Variants in FRMD4A observed in about 807,000 individuals in gnomAD.
The protein encoded by FRMD4A is FERM domain-containing protein 4A.
Under a neutral mutation model 129.1 loss-of-function variants are expected in FRMD4A, and 29 were observed. The observed-to-expected ratio is 0.22, with a 90% CI of 0.17 to 0.31. The LOEUF (loss-of-function observed/expected upper bound fraction) is 0.31. Among genes scored for constraint, FRMD4A ranks in the 10% least tolerant of loss-of-function variants. The pLI is 1.00. For synonymous variants in FRMD4A, 634 were observed against 571.6 expected (o/e 1.11, Z -1.56); for missense variants, 1,272 against 1,375.8 (o/e 0.92, Z 1.19).
chr10:13,921,925 C>G (rs979163203), intron 2 of FRMD4A, among the ~76,000 whole-genome samples: 1 of 152,334 alleles, frequency 6.6e-6, no homozygotes, highest in East Asian at 1.9e-4. Flanking sequence ...ATGTTGAAGT[C>G]CTAACCTCCA....
intron 2 of FRMD4A, among the ~76,000 whole-genome samples, chr10:14,032,525 G>A (rs144467990): frequency 0.011 from 1,682 of 152,268 alleles, 11 homozygotes; most frequent in Middle Eastern, 0.027. Flanking sequence ...GTCTGTAAAC[G>A]GTGAACCGCA....
At chr10:14,231,008 C>T (rs1213230635) in intron 2 of FRMD4A, among the ~76,000 whole-genome samples, 1 of 152,014 alleles carries the variant, frequency 6.6e-6, no homozygotes, top group Non-Finnish European at 1.5e-5. Flanking sequence ...TGTATATGTA[C>T]CATGTTTCTT....
chr10:13,685,055 C>T, intron 15 of FRMD4A: 1 of 984,960 alleles, frequency 1.0e-6, no homozygotes, highest in Non-Finnish European at 1.2e-6. Context: ...AAAAGATGTC[C>T]CAGGAGACCA....
chr10:13,652,385 A>C (rs1198239335), intron 23 of FRMD4A: 1 of 202,594 alleles, frequency 4.9e-6, no homozygotes, highest in African/African-American at 2.3e-5. Context: ...CAAATAATAC[A>C]ATCAATCATA....
At chr10:14,009,942 G>C (rs930139128) in intron 2 of FRMD4A, among the ~76,000 whole-genome samples, 1 of 152,082 alleles carries the variant, frequency 6.6e-6, no homozygotes, top group Non-Finnish European at 1.5e-5. Flanking sequence ...ATTGGCGGGG[G>C]GTGGGAAAAA....
At chr10:13,665,153 T>A (rs1458006516) in intron 18 of FRMD4A, among the ~76,000 whole-genome samples, 1 of 152,178 alleles carries the variant, frequency 6.6e-6, no homozygotes, top group Non-Finnish European at 1.5e-5. Flanking sequence ...ATTACAGGTG[T>A]GAGCCACCTC....
chr10:14,148,391 C>G (rs1589077659), intron 2 of FRMD4A, among the ~76,000 whole-genome samples: 1 of 152,202 alleles, frequency 6.6e-6, no homozygotes, highest in South Asian at 2.1e-4. Context: ...CTTGCCTTTG[C>G]AAACAGTGAA....
chr10:13,674,489 T>C (rs988223174), intron 16 of FRMD4A, among the ~76,000 whole-genome samples: 5 of 152,186 alleles, frequency 3.3e-5, no homozygotes, highest in Non-Finnish European at 5.9e-5. Context: ...CTTTGATGGG[T>C]TTAGGGACTT....
intron 2 of FRMD4A, chr10:14,326,538 A>T (rs1262658771): frequency 3.8e-6 from 1 of 264,062 alleles, no homozygotes; most frequent in Non-Finnish European, 7.1e-6. Flanking sequence ...CTTCATTTAT[A>T]GAAAAGCTTA....
intron 2 of FRMD4A, among the ~76,000 whole-genome samples, chr10:14,249,642 G>C (rs562989363): frequency 2.2e-4 from 34 of 152,318 alleles, no homozygotes; most frequent in African/African-American, 7.9e-4. Flanking sequence ...GAATGTCACT[G>C]AAAGAAATCC....
At chr10:13,986,722 C>T (rs2095582963) in intron 2 of FRMD4A, among the ~76,000 whole-genome samples, 1 of 150,830 alleles carries the variant, frequency 6.6e-6, no homozygotes, top group Admixed American at 6.6e-5. Flanking sequence ...TCCCTGCACC[C>T]CGCTCCTAGA....
chr10:13,935,500 T>C (rs2095241802), intron 2 of FRMD4A, among the ~76,000 whole-genome samples: 1 of 151,388 alleles, frequency 6.6e-6, no homozygotes, highest in Non-Finnish European at 1.5e-5. Context: ...ATCAACGATT[T>C]TCCAGAAAAT....
intron 2 of FRMD4A, among the ~76,000 whole-genome samples, chr10:13,883,395 G>A (rs2094569559): frequency 1.3e-5 from 2 of 152,102 alleles, no homozygotes; most frequent in African/African-American, 4.8e-5. Context: ...GGGAGGCTAA[G>A]GCAGGATAAC....
intron 21 of FRMD4A, among the ~76,000 whole-genome samples, chr10:13,658,987 G>A (rs2082412989): frequency 6.6e-6 from 1 of 151,982 alleles, no homozygotes; most frequent in Admixed American, 6.6e-5. Context: ...ACTAAAGGAA[G>A]TCCAGTATAA....
chr10:14,047,125 T>G (rs1834023260), intron 2 of FRMD4A, among the ~76,000 whole-genome samples: 1 of 152,216 alleles, frequency 6.6e-6, no homozygotes, highest in Admixed American at 6.5e-5. Context: ...ACGATGGCAA[T>G]TCCATGAAAT....
chr10:13,979,510 G>C (rs760248928), intron 2 of FRMD4A, among the ~76,000 whole-genome samples: 62 of 152,224 alleles, frequency 4.1e-4, no homozygotes, highest in Non-Finnish European at 3.5e-4. Flanking sequence ...GTGAGGAGCA[G>C]CAAGTCAGTG....
intron 3 of FRMD4A, among the ~76,000 whole-genome samples, chr10:13,855,412 A>G (rs547578470): frequency 2.0e-5 from 3 of 152,052 alleles, no homozygotes; most frequent in Admixed American, 2.0e-4. Context: ...AACCTCCCCA[A>G]TCTGCCCCAT....
Position 13,821,068 on chromosome 10 carries a change from C to G in FRMD4A, c.112-10160G>C, listed in dbSNP as rs1361522724. ...TGTCACTGTGTGTCCCTCTCCATCC[C>G]CATGGGGGCTCTGAGCCCAGCAATG... On this transcript the variant is annotated intron_variant, in intron 3 of 24. Coordinates refer to ENST00000357447, the MANE Select transcript of FRMD4A (RefSeq NM_018027.5). The surrounding 1 kb of genome is among the most constrained non-coding windows in gnomAD (Gnocchi z 4.3). 1.3e-5 allele frequency among the ~76,000 whole-genome samples: 2 copies of G among 152,218 alleles called. No individual in the cohort carries two copies. Among genetic ancestry groups the G allele is most frequent in the African/African-American group, 2.4e-5 (1 of 41,462 alleles).
intron 3 of FRMD4A, among the ~76,000 whole-genome samples, chr10:13,839,863 A>T (rs553686059): frequency 2.6e-5 from 4 of 152,264 alleles, no homozygotes; most frequent in Middle Eastern, 3.4e-3. Context: ...CTGGAGAAAC[A>T]CTGAGCCTGC....
Sources: allele counts gnomAD v4.1 joint callset (sites outside exome capture counted in the v4.1 genomes callset), GRCh38; gene constraint gnomAD v4.1.1; non-coding constraint Gnocchi (gnomAD v3.1); transcripts MANE v1.5; gene names NCBI Gene and HGNC (gene_info 2026-07-23, HGNC 2026-07-21).